The following DCAF13 variants were observed in gnomAD, a reference collection of about 807,000 sequenced individuals.
DCAF13 encodes DDB1- and CUL4-associated factor 13.
Under a neutral mutation model 59.0 loss-of-function variants are expected in DCAF13, and 38 were observed. That is an observed-to-expected ratio of 0.64 (90% CI 0.50 to 0.84). DCAF13 has a LOEUF of 0.84. DCAF13 is among the 40% of genes least tolerant of loss of function. The pLI is 0.00. For missense variants in DCAF13, 469 were observed against 558.4 expected (o/e 0.84, Z 1.61); for synonymous variants, 173 against 175.0 (o/e 0.99, Z 0.09).
At chr8:103,436,815 T>C (rs1277902672) in intron 8 of DCAF13, among the ~76,000 whole-genome samples, 1 of 152,144 alleles carries the variant, frequency 6.6e-6, no homozygotes, top group Non-Finnish European at 1.5e-5. Context: ...ATCCATAAAA[T>C]AAATCCAAAT....
chr8:103,419,489 T>C (rs1278197958), intron 1 of DCAF13, among the ~76,000 whole-genome samples: 1 of 152,210 alleles, frequency 6.6e-6, no homozygotes. Flanking sequence ...AAATGATAGC[T>C]ATATAATATC....
At chr8:103,430,748 T>C (rs1336516459) in intron 6 of DCAF13, 59 bp downstream of exon 6, 16 of 1,215,094 alleles carry the variant, frequency 1.3e-5, no homozygotes, top group Admixed American at 1.1e-4. Flanking sequence ...TCTCTGTAAA[T>C]AGAGTGACTA....
chr8:103,440,775 T>C (rs546205765), intron 9 of DCAF13: 1 of 152,472 alleles, frequency 6.6e-6, no homozygotes, highest in East Asian at 1.9e-4. Flanking sequence ...GCTGGTTACC[T>C]CCAGGATAGG....
chr8:103,415,655 G>A (rs1816599779), intron 1 of DCAF13, 139 bp downstream of exon 1: 2 of 806,940 alleles, frequency 2.5e-6, no homozygotes, highest in African/African-American at 3.5e-5. Flanking sequence ...GGCAAACTTT[G>A]TGCTTACGGA....
Position 103,441,523 on chromosome 8 carries a change from T to A in DCAF13, c.1155T>A (p.Pro385=), listed in dbSNP as rs376970883. The A allele has an allele frequency of 6.2e-7, 1 of 1,607,372 alleles. No individual in the cohort carries two copies. The highest frequency in any genetic ancestry group is 1.3e-5 in the African/African-American group (1 of 74,450). ...QKLKEKFQHY[P]HIKRIARHRH... is the part of the protein sequence containing the mutation. The stretch of plus-strand genomic sequence containing the variant: ...TGAAGGAGAAATTTCAGCATTATCC[T>A]CATATAAAACGTATAGCTCGTCATC... The change falls in exon 10 of 11, where the codon CCT becomes CCA. Residue 385 remains proline, a synonymous_variant. Coordinates refer to ENST00000612750, the MANE Select transcript of DCAF13 (RefSeq NM_015420.7).
At chr8:103,435,532 T>C (rs1365908706) in intron 7 of DCAF13, 94 bp from the exon 8 acceptor site, 2 of 1,069,758 alleles carry the variant, frequency 1.9e-6, no homozygotes, top group Non-Finnish European at 2.6e-6. Context: ...GTGCATTGTT[T>C]TGCAAATGGT....
chr8:103,419,179 C>T (rs1389163140), intron 1 of DCAF13, among the ~76,000 whole-genome samples: 5 of 152,092 alleles, frequency 3.3e-5, no homozygotes, highest in African/African-American at 7.2e-5. Flanking sequence ...CCACCACGCC[C>T]GGCCCTAAGC....
intron 7 of DCAF13, among the ~76,000 whole-genome samples, chr8:103,433,374 CCT>C (rs1816891184): frequency 6.6e-6 from 1 of 152,020 alleles, no homozygotes; most frequent in Admixed American, 6.6e-5. Flanking sequence ...CATGTTATCC[CCT>C]TTTTAAGATA....
intron 8 of DCAF13, among the ~76,000 whole-genome samples, chr8:103,438,033 G>T (rs1816957951): frequency 6.6e-6 from 1 of 152,156 alleles, no homozygotes; most frequent in South Asian, 2.1e-4. Context: ...ATATCTAGAA[G>T]TTAAGAACTC....
In DCAF13 at chr8:103,427,264, T is replaced by A. The variant is rs779395446; in HGVS notation, c.624+12T>A. The A allele has an allele frequency of 6.2e-7, 1 of 1,605,450 alleles. No homozygotes were observed. The highest frequency in any genetic ancestry group is 8.5e-7 in the Non-Finnish European group (1 of 1,174,470). ...TTAACCCAATTGAGGTAATGTTTTT[T>A]TTTAAGTATGTTTTACTTATTATGG... On this transcript the variant is annotated intron_variant, in intron 5 of 10. Coordinates refer to ENST00000612750, the MANE Select transcript of DCAF13 (RefSeq NM_015420.7).
intron 8 of DCAF13, among the ~76,000 whole-genome samples, chr8:103,438,616 G>A (rs1816964624): frequency 6.6e-6 from 1 of 151,938 alleles, no homozygotes; most frequent in Non-Finnish European, 1.5e-5. Flanking sequence ...TGTTACTCAG[G>A]CTGGTCTCAA....
At chr8:103,416,106 T>C (rs755152128) in intron 1 of DCAF13, among the ~76,000 whole-genome samples, 5 of 152,196 alleles carry the variant, frequency 3.3e-5, no homozygotes, top group Non-Finnish European at 7.3e-5. Context: ...GGACCAACCA[T>C]GCGTAAGCAG....
chr8:103,440,409 T>A, intron 9 of DCAF13, 138 bp downstream of exon 9: 3 of 675,586 alleles, frequency 4.4e-6, no homozygotes, highest in Non-Finnish European at 7.0e-6. Context: ...AAGCAATAAA[T>A]GGACAAGGTT....
chr8:103,438,628 C>T (rs2130496405), intron 8 of DCAF13, among the ~76,000 whole-genome samples: 1 of 152,206 alleles, frequency 6.6e-6, no homozygotes, highest in East Asian at 1.9e-4. Flanking sequence ...TGGTCTCAAA[C>T]TCCTGGGCTC....
At chr8:103,416,681 T>G (rs1586123341) in intron 1 of DCAF13, among the ~76,000 whole-genome samples, 1 of 152,218 alleles carries the variant, frequency 6.6e-6, no homozygotes, top group East Asian at 1.9e-4. Flanking sequence ...TGTCTCATGA[T>G]TATTATTTTG....
intron 10 of DCAF13, 85 bp from the exon 11 acceptor site, chr8:103,442,710 A>G: frequency 1.1e-6 from 1 of 894,160 alleles, no homozygotes. Context: ...TTTCTAGTGA[A>G]AGAAAATGCT....
intron 9 of DCAF13, chr8:103,441,046 A>C (rs1817003348): frequency 6.2e-6 from 1 of 160,854 alleles, no homozygotes; most frequent in African/African-American, 2.4e-5. Context: ...CGTTAAACAA[A>C]GGGTAGTTCT....
chr8:103,435,360 C>T (rs1816918634), intron 7 of DCAF13, among the ~76,000 whole-genome samples: 1 of 151,946 alleles, frequency 6.6e-6, no homozygotes, highest in Non-Finnish European at 1.5e-5. Flanking sequence ...AATTTTTGTA[C>T]TCTACTTTTT....
chr8:103,416,071 T>C (rs980350542), intron 1 of DCAF13, among the ~76,000 whole-genome samples: 1 of 152,262 alleles, frequency 6.6e-6, no homozygotes, highest in African/African-American at 2.4e-5. Context: ...TTATAAATTG[T>C]ACTTTGTGAT....
Sources: gnomAD v4.1 joint callset for allele counts (sites outside exome capture counted in the v4.1 genomes callset) on GRCh38, gnomAD v4.1.1 for gene constraint, MANE v1.5 for transcripts, NCBI Gene and HGNC (gene_info 2026-07-23, HGNC 2026-07-21) for gene names.